Variants in IFT80 observed in about 807,000 individuals in gnomAD.
IFT80 encodes the protein intraflagellar transport protein 80 homolog.
A neutral mutation model predicts 107.9 loss-of-function variants in IFT80; 79 were observed. The observed-to-expected ratio is 0.73, with a 90% CI of 0.61 to 0.88. The LOEUF is 0.88. IFT80 is among the 40% of genes least tolerant of loss of function. The pLI, the probability that IFT80 is intolerant of heterozygous loss-of-function variation, is 0.00. For synonymous variants in IFT80, 299 were observed against 300.9 expected (o/e 0.99, Z 0.07); for missense variants, 797 against 914.2 (o/e 0.87, Z 1.65).
intron 19 of IFT80, among the ~76,000 whole-genome samples, chr3:160,262,626 CG>C (rs1377234393): frequency 6.6e-6 from 1 of 152,108 alleles, no homozygotes; most frequent in African/African-American, 2.4e-5. Flanking sequence ...CGCCCAGCCA[CG>C]GAGTAAGGTT....
rs1352844072 is a variant in IFT80, at chr3:160,367,125, C to G, written c.440-973G>C. ...TTATTGAATCTCATTTTTTTTATGG[C>G]TGAATAGTACTCCACTGTATATAAG... On this transcript the variant is annotated intron_variant, in intron 5 of 19. Coordinates refer to ENST00000326448, the MANE Select transcript of IFT80 (RefSeq NM_020800.3). 2.6e-5 allele frequency among the ~76,000 whole-genome samples: 4 copies of G among 152,082 alleles called. No homozygotes were observed. In the East Asian group the frequency reaches 7.7e-4, roughly 29 times the overall value.
In IFT80 at chr3:160,301,131, G is replaced by GA. The variant is rs1232094432; in HGVS notation, c.1152-86dup. The GA allele has an allele frequency of 5.8e-5, 72 of 1,240,566 alleles. 1 individual carries two copies. Among genetic ancestry groups the GA allele is most frequent in the South Asian group, 4.5e-4 (29 of 63,798 alleles). The allele number at this position is 1,240,566 out of a possible 1,614,324, so 76.8% of individuals were successfully genotyped here. A position where few individuals can be genotyped will look rare whatever the true frequency, so the allele number is the denominator to read the frequency against. On this transcript the variant is annotated intron_variant, in intron 11 of 19. Transcript: ENST00000326448. Reference sequence around the variant, plus strand: ...ATATTACAGAATAGTTTATCCTTGGGAAAAAAAATCTAAATCTTACAATTA... The same window carrying GA: ...ATATTACAGAATAGTTTATCCTTGGGAAAAAAAAATCTAAATCTTACAATTA...
In IFT80 at chr3:160,307,782, C is replaced by T. The variant is rs202051267; in HGVS notation, c.958-1G>A. 11 of 1,432,968 alleles carry T rather than the reference C, an allele frequency of 7.7e-6. No homozygotes were observed. The highest frequency in any genetic ancestry group is 9.8e-6 in the Non-Finnish European group (10 of 1,015,928). The allele number at this position is 1,432,968 out of a possible 1,614,324, so 88.8% of individuals were successfully genotyped here. Reference sequence around the variant, plus strand: ...CTGCATCATTAAGAACATTACGAACCTAAACAAGGAAAAATAAAATACCAA... The same window carrying T: ...CTGCATCATTAAGAACATTACGAACTTAAACAAGGAAAAATAAAATACCAA... On this transcript the variant is annotated splice_acceptor_variant, in intron 9 of 19. Coordinates refer to ENST00000326448, the MANE Select transcript of IFT80 (RefSeq NM_020800.3). LOFTEE classifies it high-confidence loss of function.
chr3:160,258,755 A>G (rs1480070562), intron 19 of IFT80, 120 bp from the exon 20 acceptor site: 2 of 1,271,474 alleles, frequency 1.6e-6, no homozygotes, highest in East Asian at 5.0e-5. Flanking sequence ...AGAGAAAAAG[A>G]GAGCATCAAA....
At chr3:160,309,480 G>A (rs1403947831) in intron 9 of IFT80, among the ~76,000 whole-genome samples, 2 of 152,194 alleles carry the variant, frequency 1.3e-5, no homozygotes, top group Non-Finnish European at 2.9e-5. Flanking sequence ...AACAAGGTCA[G>A]ATCGAGACCA....
intron 12 of IFT80, chr3:160,299,306 G>A (rs1180921101): frequency 3.2e-6 from 3 of 947,340 alleles, no homozygotes; most frequent in African/African-American, 3.5e-5. Context: ...CTCTATTTAG[G>A]AGAGTTATAT....
Position 160,377,500 on chromosome 3 carries a change from T to G in IFT80, c.300A>C (p.Lys100Asn). The G allele has an allele frequency of 6.2e-7, 1 of 1,609,756 alleles. No homozygotes were observed. Among genetic ancestry groups the G allele is most frequent in the Non-Finnish European group, 8.5e-7 (1 of 1,177,198 alleles). The change falls in exon 4 of 20, where the codon AAA becomes AAC. Residue 100 changes from lysine to asparagine, a missense_variant. Lys to Asn is a moderately conservative substitution (Grantham distance 94). Transcript: ENST00000326448. ...HLISKLGRVEKSVEAHCGAVL... is the reference protein window; with the variant it reads ...HLISKLGRVENSVEAHCGAVL... ...CTGCTCCACAGTGAGCTTCTACACTTTTTTCCACTCTTCCTAACTTGGAAA... is the reference window on the plus strand; with the variant it reads ...CTGCTCCACAGTGAGCTTCTACACTGTTTTCCACTCTTCCTAACTTGGAAA...
chr3:160,325,620 A>G (rs567482619), intron 8 of IFT80, among the ~76,000 whole-genome samples: 3 of 152,106 alleles, frequency 2.0e-5, no homozygotes, highest in African/African-American at 7.2e-5. Flanking sequence ...GGGAGCCAGA[A>G]GCGAATTTTG....
intron 9 of IFT80, among the ~76,000 whole-genome samples, chr3:160,317,835 T>C (rs1344964285): frequency 1.3e-5 from 2 of 152,020 alleles, no homozygotes; most frequent in East Asian, 3.8e-4. Flanking sequence ...AAGGGGACTC[T>C]TCAGACCAAA....
At chr3:160,312,032 T>C (rs1214157445) in intron 9 of IFT80, among the ~76,000 whole-genome samples, 3 of 152,112 alleles carry the variant, frequency 2.0e-5, no homozygotes, top group Non-Finnish European at 4.4e-5. Flanking sequence ...CCACCTGCCT[T>C]GGCCTCCCAA....
intron 8 of IFT80, among the ~76,000 whole-genome samples, chr3:160,320,717 A>C (rs2108299177): frequency 6.6e-6 from 1 of 151,880 alleles, no homozygotes; most frequent in African/African-American, 2.4e-5. Context: ...GCGTATAATC[A>C]CAGTCTTGAT....
chr3:160,290,156 G>A (rs1465926004), intron 12 of IFT80, among the ~76,000 whole-genome samples: 1 of 151,872 alleles, frequency 6.6e-6, no homozygotes, highest in African/African-American at 2.4e-5. Context: ...CCTGTAATCC[G>A]AGCATTTTGG....
intron 8 of IFT80, among the ~76,000 whole-genome samples, chr3:160,346,498 T>C (rs1005067990): frequency 6.6e-5 from 10 of 152,208 alleles, no homozygotes; most frequent in African/African-American, 2.2e-4. Context: ...TGGGCCGTAA[T>C]TTCCTGTTTC....
chr3:160,294,816 T>A (rs1715849961), intron 12 of IFT80, among the ~76,000 whole-genome samples: 1 of 152,216 alleles, frequency 6.6e-6, no homozygotes, highest in Non-Finnish European at 1.5e-5. Context: ...TTCAGAACTA[T>A]CCTCTCCGTA....
intron 9 of IFT80, among the ~76,000 whole-genome samples, chr3:160,316,020 TC>T (rs750446562): frequency 6.6e-6 from 1 of 152,182 alleles, no homozygotes; most frequent in African/African-American, 2.4e-5. Flanking sequence ...TGCAAATCTC[TC>T]CATTTAATGT....
Position 160,346,300 on chromosome 3 carries a change from T to A in IFT80, c.777+9713A>T, listed in dbSNP as rs544762857. Among the ~76,000 whole-genome samples the A allele has an allele frequency of 1.2e-4, 18 of 152,338 alleles. No homozygotes were observed. In the South Asian group the frequency reaches 3.5e-3, roughly 30 times the overall value. On this transcript the variant is annotated intron_variant, in intron 8 of 19. Transcript: ENST00000326448. ...AATGTTATGTAAGGTGATAGATATG[T>A]TAGTTTGATATAATCCTTCCACGAT...
chr3:160,275,550 CTCT>C (rs1714195838), intron 18 of IFT80, among the ~76,000 whole-genome samples: 1 of 152,106 alleles, frequency 6.6e-6, no homozygotes, highest in African/African-American at 2.4e-5. Flanking sequence ...ATGTGCAATA[CTCT>C]TCATCATTTT....
At chr3:160,338,042 T>A (rs886473565) in intron 8 of IFT80, among the ~76,000 whole-genome samples, 3 of 152,162 alleles carry the variant, frequency 2.0e-5, no homozygotes, top group Non-Finnish European at 2.9e-5. Flanking sequence ...TCTATCACTT[T>A]CTATCAAAAC....
At chr3:160,364,472 TACCATTTG>T (rs1721721771) in intron 6 of IFT80, among the ~76,000 whole-genome samples, 1 of 152,152 alleles carries the variant, frequency 6.6e-6, no homozygotes, top group Non-Finnish European at 1.5e-5. Context: ...GAACTAGAAA[TACCATTTG>T]ACCCAGCCAT....
Sources: gnomAD v4.1 joint callset for allele counts (sites outside exome capture counted in the v4.1 genomes callset) on GRCh38, gnomAD v4.1.1 for gene constraint, MANE v1.5 for transcripts, NCBI Gene and HGNC (gene_info 2026-07-23, HGNC 2026-07-21) for gene names.